DPYS: variants seen among roughly 807,000 people sequenced by gnomAD.
The protein encoded by DPYS is dihydropyrimidine amidohydrolase.
A neutral mutation model predicts 50.3 loss-of-function variants in DPYS; 39 were observed. The ratio of observed to expected loss-of-function variants is 0.78; its 90% CI spans 0.60 to 1.01. DPYS has a LOEUF of 1.01. Among genes scored for constraint, DPYS ranks in the 50% least tolerant of loss-of-function variants. The pLI is 0.00. For synonymous variants in DPYS, 245 were observed against 250.7 expected (o/e 0.98, Z 0.22); for missense variants, 659 against 680.9 (o/e 0.97, Z 0.36).
intron 2 of DPYS, among the ~76,000 whole-genome samples, chr8:104,449,334 A>G (rs1813649941): frequency 6.6e-6 from 1 of 152,246 alleles, no homozygotes; most frequent in Admixed American, 6.5e-5. Flanking sequence ...CCTGAGTAGA[A>G]GAGCCCTCAT....
intron 8 of DPYS, among the ~76,000 whole-genome samples, chr8:104,381,799 AAC>A (rs1811054420): frequency 6.6e-6 from 1 of 151,382 alleles, no homozygotes; most frequent in Non-Finnish European, 1.5e-5. Flanking sequence ...TATGCAGCAG[AAC>A]CCTCTGCTGG....
At chr8:104,411,161 T>C (rs1456038600) in intron 7 of DPYS, among the ~76,000 whole-genome samples, 4 of 152,238 alleles carry the variant, frequency 2.6e-5, no homozygotes, top group Non-Finnish European at 5.9e-5. Context: ...GCAACCTCTC[T>C]GATGACAGGT....
intron 1 of DPYS, among the ~76,000 whole-genome samples, chr8:104,465,203 A>G (rs1210832796): frequency 6.6e-6 from 1 of 151,796 alleles, no homozygotes; most frequent in African/African-American, 2.4e-5. Context: ...TGAAGTAGCT[A>G]TCACCAAAAC....
In DPYS at chr8:104,438,713, C is replaced by CCAGCTGT. The variant is rs1813238304; in HGVS notation, c.793+5534_793+5535insACAGCTG. Among the ~76,000 whole-genome samples, 3 of 152,102 alleles carry CCAGCTGT rather than the reference C, an allele frequency of 2.0e-5. No individual in the cohort carries two copies. The East Asian group carries it at 5.8e-4, about 29-fold the overall frequency. ...CAGAGTCTGTGTAAAGATAATAATA[C>CCAGCTGT]AGCTGGTAGACATCTGGAGGAGGCA... On this transcript the variant is annotated intron_variant, in intron 4 of 9. Coordinates refer to ENST00000351513, the MANE Select transcript of DPYS (RefSeq NM_001385.3).
intron 8 of DPYS, among the ~76,000 whole-genome samples, chr8:104,382,183 C>A (rs918510595): frequency 6.6e-6 from 1 of 152,156 alleles, no homozygotes; most frequent in Admixed American, 6.5e-5. Context: ...AGAGAGTACA[C>A]CAAACACCGA....
chr8:104,428,356 T>C (rs192117343), intron 5 of DPYS, among the ~76,000 whole-genome samples: 1 of 152,376 alleles, frequency 6.6e-6, no homozygotes, highest in Admixed American at 6.5e-5. Flanking sequence ...TTAGGAAACC[T>C]GAGTTCTAAG....
Position 104,392,706 on chromosome 8 carries a change from T to G in DPYS, c.1443+78A>C, listed in dbSNP as rs944737483. Reference sequence around the variant, plus strand: ...AAGTGTGATGTGTCAACACCACTACTACCAACAATAACCAGCCAGACATCC... The same window carrying G: ...AAGTGTGATGTGTCAACACCACTACGACCAACAATAACCAGCCAGACATCC... On this transcript the variant is annotated intron_variant, in intron 8 of 9. Transcript: ENST00000351513. The G allele has an allele frequency of 1.4e-5, 22 of 1,565,596 alleles. 1 individual carries two copies. In the South Asian group the frequency reaches 2.5e-4, roughly 17 times the overall value.
intron 1 of DPYS, among the ~76,000 whole-genome samples, chr8:104,454,819 A>G (rs1463349182): frequency 6.6e-6 from 1 of 152,060 alleles, no homozygotes; most frequent in Non-Finnish European, 1.5e-5. Context: ...GAGATTAGAG[A>G]CGGCTTGGAT....
chr8:104,379,652 C>T lies in DPYS; in HGVS notation c.*206G>A. On this transcript the variant is annotated 3_prime_UTR_variant, in exon 10 of 10. Coordinates refer to ENST00000351513, the MANE Select transcript of DPYS (RefSeq NM_001385.3). ...TCCATCACAATAATATAAATTTATA[C>T]CTTCAATCTTATGCAGCAACAAAAA... is the stretch of plus-strand genomic sequence containing the variant. 1 of 320,828 alleles carries T rather than the reference C, an allele frequency of 3.1e-6. No homozygotes were observed. Among genetic ancestry groups the T allele is most frequent in the South Asian group, 2.6e-5 (1 of 38,088 alleles). The allele number at this position is 320,828 out of a possible 1,614,324, so 19.9% of individuals were successfully genotyped here.
At chr8:104,453,063 T>C (rs1018446903) in intron 1 of DPYS, among the ~76,000 whole-genome samples, 3 of 152,136 alleles carry the variant, frequency 2.0e-5, no homozygotes, top group African/African-American at 7.2e-5. Context: ...AGCTTCCAGA[T>C]ACACCGGATG....
At chr8:104,414,192 G>A (rs1812289457) in intron 7 of DPYS, among the ~76,000 whole-genome samples, 1 of 152,172 alleles carries the variant, frequency 6.6e-6, no homozygotes, top group Non-Finnish European at 1.5e-5. Flanking sequence ...GTTTGGTTAG[G>A]TAGTAAGTTC....
chr8:104,430,143 G>T (rs1013859932), intron 4 of DPYS, among the ~76,000 whole-genome samples: 4 of 152,064 alleles, frequency 2.6e-5, no homozygotes, highest in Non-Finnish European at 4.4e-5. Flanking sequence ...TGACTCCAGT[G>T]GTTCTAACTT....
chr8:104,396,275 G>A (rs753203305), intron 7 of DPYS, among the ~76,000 whole-genome samples: 4 of 152,022 alleles, frequency 2.6e-5, no homozygotes, highest in Non-Finnish European at 5.9e-5. Context: ...GAAGATTTTT[G>A]GACTGATGCA....
At chr8:104,453,212 G>T (rs1307102332) in intron 1 of DPYS, among the ~76,000 whole-genome samples, 1 of 152,024 alleles carries the variant, frequency 6.6e-6, no homozygotes, top group Admixed American at 6.6e-5. Context: ...TTTTATACAG[G>T]ATCCTGTATG....
chr8:104,424,220 C>T (rs755875578), intron 7 of DPYS, 27 bp downstream of exon 7: 2 of 1,614,014 alleles, frequency 1.2e-6, no homozygotes, highest in South Asian at 2.2e-5. Context: ...CACAATGAAG[C>T]CAAGGAATAC....
Position 104,428,022 on chromosome 8 carries a change from A to T in DPYS, c.1050T>A (p.Asn350Lys). 1 of 1,614,138 alleles carries T rather than the reference A, an allele frequency of 6.2e-7. No homozygotes were observed. ...TTACGGACATCCGATCTTCAACACC[A>T]TTCACCCCATTGGGGATCTTGGTAA... is the stretch of plus-strand genomic sequence containing the variant. Reference protein sequence around the residue: ...DDFTKIPNGVNGVEDRMSVIW... With the variant: ...DDFTKIPNGVKGVEDRMSVIW... Residue 350 changes from asparagine (N) to lysine (K), a missense_variant, in exon 6 of 10, where the codon AAT (asparagine) becomes AAA (lysine). Asn to Lys is a moderately conservative substitution (Grantham distance 94). Coordinates refer to ENST00000351513, the MANE Select transcript of DPYS (RefSeq NM_001385.3).
chr8:104,458,624 A>G (rs1386211260), intron 1 of DPYS, among the ~76,000 whole-genome samples: 1 of 152,236 alleles, frequency 6.6e-6, no homozygotes, highest in East Asian at 1.9e-4. Context: ...GGAAAGGAAG[A>G]GAAGGACCAG....
intron 7 of DPYS, among the ~76,000 whole-genome samples, chr8:104,399,290 C>CAAAAA (rs11323938): frequency 9.3e-5 from 7 of 74,896 alleles, no homozygotes; most frequent in Non-Finnish European, 1.4e-4. Context: ...GACTCCATCT[C>CAAAAA]AAAAAAAAAA....
chr8:104,389,564 G>T (rs1234389681), intron 8 of DPYS, among the ~76,000 whole-genome samples: 1 of 149,352 alleles, frequency 6.7e-6, no homozygotes, highest in Non-Finnish European at 1.5e-5. Flanking sequence ...TCTCTACAGA[G>T]GTCCAGTGGT....
Sources: allele counts gnomAD v4.1 joint callset (sites outside exome capture counted in the v4.1 genomes callset), GRCh38; gene constraint gnomAD v4.1.1; transcripts MANE v1.5; gene names NCBI Gene and HGNC (gene_info 2026-07-23, HGNC 2026-07-21).